RAP1GAP: variants seen among roughly 807,000 people sequenced by gnomAD.
RAP1GAP encodes the protein RAP1 GTPase activating protein, also known as rap1 GTPase-activating protein 1.
A neutral mutation model predicts 87.2 loss-of-function variants in RAP1GAP; 35 were observed. That is an observed-to-expected ratio of 0.40 (90% CI 0.31 to 0.53). The LOEUF (loss-of-function observed/expected upper bound fraction) is 0.53. RAP1GAP is among the 20% of genes least tolerant of loss of function. The probability of loss-of-function intolerance (pLI) is 0.48; values close to 1 mark genes in which losing one functional copy is unlikely to be tolerated. For synonymous variants in RAP1GAP, 375 were observed against 363.9 expected, an observed-to-expected ratio of 1.03 and a Z score of -0.35; for missense variants, 734 against 898.9, an observed-to-expected ratio of 0.82 and a Z score of 2.35.
chr1:21,664,981 G>A (rs76768405), intron 1 of RAP1GAP, among the ~76,000 whole-genome samples: 9,194 of 152,250 alleles, frequency 0.06, 429 homozygotes, highest in East Asian at 0.25. Flanking sequence ...GAGGCACAGA[G>A]AAGGCAGGTG....
chr1:21,644,627 C>T (rs1219617399), intron 2 of RAP1GAP, among the ~76,000 whole-genome samples: 3 of 152,086 alleles, frequency 2.0e-5, no homozygotes, highest in African/African-American at 4.8e-5. Flanking sequence ...TGGCCGGGCG[C>T]GGTGGCTCAC....
intron 22 of RAP1GAP, 47 bp downstream of exon 22, chr1:21,598,353 A>C: frequency 2.0e-6 from 3 of 1,523,020 alleles, no homozygotes; most frequent in Non-Finnish European, 2.7e-6. Flanking sequence ...TCCCCCTCCT[A>C]CCCCAAGGTA....
chr1:21,668,747 A>G lies in RAP1GAP; in HGVS notation c.-149+507T>C, dbSNP rs1288329334. Among the ~76,000 whole-genome samples, 6 of 151,892 alleles carry G rather than the reference A, an allele frequency of 4.0e-5. No individual in the cohort carries two copies. The highest frequency in any genetic ancestry group is 4.2e-4 in the South Asian group (2 of 4,814). On this transcript the variant is annotated intron_variant, in intron 1 of 24. Coordinates refer to ENST00000374765, the MANE Select transcript of RAP1GAP (RefSeq NM_002885.4). The surrounding 1 kb of genome is among the most constrained non-coding windows in gnomAD (Gnocchi z 6.2). ...AGGGGAATGCGTCCTGTCTCTGGGG[A>G]TGCAAGGACATCACCGCCCTCCCCG...
At chr1:21,612,233 A>C in intron 10 of RAP1GAP, 124 bp from the exon 11 acceptor site, 1 of 767,558 alleles carries the variant, frequency 1.3e-6, no homozygotes, top group South Asian at 1.6e-5. Context: ...TCTCAGAACA[A>C]GCCTGGGAGG....
At chr1:21,611,625 G>C in intron 12 of RAP1GAP, 44 bp from the exon 13 acceptor site, 1 of 1,613,754 alleles carries the variant, frequency 6.2e-7, no homozygotes, top group East Asian at 2.2e-5. Context: ...TCCAGCCCTG[G>C]CCAGGCCTCC....
At chr1:21,650,619 G>A (rs2096492057) in intron 1 of RAP1GAP, among the ~76,000 whole-genome samples, 1 of 152,228 alleles carries the variant, frequency 6.6e-6, no homozygotes, top group African/African-American at 2.4e-5. Context: ...GGGCAGGGCT[G>A]GGGGCTCCCA....
chr1:21,651,812 C>T (rs2096594858), intron 1 of RAP1GAP: 2 of 1,310,206 alleles, frequency 1.5e-6, no homozygotes, highest in Non-Finnish European at 9.7e-7. Flanking sequence ...GCTGCGCTTC[C>T]GGCCGCTCAT....
intron 1 of RAP1GAP, among the ~76,000 whole-genome samples, chr1:21,663,840 C>T (rs902469249): frequency 6.6e-6 from 1 of 152,184 alleles, no homozygotes; most frequent in African/African-American, 2.4e-5. Context: ...TCACCCACTG[C>T]CCCCAAACCC....
intron 14 of RAP1GAP, 90 bp downstream of exon 14, chr1:21,610,030 A>C (rs534519846): frequency 1.4e-6 from 2 of 1,458,816 alleles, no homozygotes; most frequent in East Asian, 4.8e-5. Context: ...TATAGCTGGA[A>C]AAAGTGAGGC....
intron 2 of RAP1GAP, among the ~76,000 whole-genome samples, chr1:21,627,515 G>A (rs1274701720): frequency 6.7e-6 from 1 of 150,128 alleles, no homozygotes; most frequent in Admixed American, 6.7e-5. Flanking sequence ...TCCCGAGTTC[G>A]AGCGATTCTC....
chr1:21,632,425 A>G (rs16825749), intron 2 of RAP1GAP, among the ~76,000 whole-genome samples: 30,563 of 152,100 alleles, frequency 0.2, 4,029 homozygotes, highest in African/African-American at 0.36. Flanking sequence ...CGGAACTGGA[A>G]TGGAGATAAG....
rs2076575094 is a variant in RAP1GAP at position 21,609,048 on chromosome 1, G to C, written c.1072-112C>G. The stretch of plus-strand genomic sequence containing the variant: ...GCAGCTCCTGAACCATGCTCTGCTG[G>C]GGCCTGGGGTCACCCTCTTCACTCC... On this transcript the variant is annotated intron_variant, in intron 15 of 24. Coordinates refer to ENST00000374765, the MANE Select transcript of RAP1GAP (RefSeq NM_002885.4). This position sits in a 1 kb window ranked among gnomAD's most constrained non-coding sequence, Gnocchi z 4.4. The C allele has an allele frequency of 2.2e-6, 2 of 905,182 alleles. No homozygotes were observed. Among genetic ancestry groups the C allele is most frequent in the Admixed American group, 3.6e-5 (2 of 55,012 alleles). The allele number at this position is 905,182 out of a possible 1,614,324, so 56.1% of individuals were successfully genotyped here. A position where few individuals can be genotyped will look rare whatever the true frequency, so the allele number is the denominator to read the frequency against.
Position 21,617,966 on chromosome 1 carries a change from C to T in RAP1GAP, c.73G>A (p.Glu25Lys). Residue 25 changes from glutamate (E) to lysine (K), a missense_variant, in exon 6 of 25, where the codon GAG becomes AAG. This residue lies in a region of RAP1GAP where 485 missense variants were observed against 646.2 expected (regional missense o/e 0.75). Transcript: ENST00000374765. The part of the protein sequence containing the change: ...CSFPPPLKTE[E>K]DYIPYPSVHE... ...ACGCTCGGGTATGGAATGTAGTCCT[C>T]CTCTGTCTGCAAAACACAAACAGGG... The T allele has an allele frequency of 1.2e-6, 2 of 1,614,110 alleles. No individual in the cohort carries two copies. The highest frequency in any genetic ancestry group is 8.5e-7 in the Non-Finnish European group (1 of 1,180,016).
intron 2 of RAP1GAP, among the ~76,000 whole-genome samples, chr1:21,645,352 C>T (rs897484847): frequency 3.3e-5 from 5 of 152,032 alleles, no homozygotes; most frequent in African/African-American, 1.2e-4. Context: ...TGGTGGCTCA[C>T]GCTTGTAATC....
intron 2 of RAP1GAP, among the ~76,000 whole-genome samples, chr1:21,632,273 C>T (rs1006359617): frequency 1.2e-4 from 18 of 152,198 alleles, no homozygotes; most frequent in Admixed American, 2.0e-4. Flanking sequence ...GACAGCTCCC[C>T]GGTTTCTTGG....
At position 21,614,102 on chromosome 1, in the gene RAP1GAP, G is replaced by A; in HGVS notation, c.292-13C>T. 1.3e-6 allele frequency: 2 copies of A among 1,556,972 alleles called. No homozygotes were observed. Among genetic ancestry groups the A allele is most frequent in the South Asian group, 1.1e-5 (1 of 87,966 alleles). The stretch of plus-strand genomic sequence containing the variant: ...AATTGAAATGCTCCTGCAGTGGGAG[G>A]TGGGGGCCAGGGGAGTGGGTGAGGC... On this transcript the variant is annotated splice_polypyrimidine_tract_variant and intron_variant, in intron 7 of 24. Transcript: ENST00000374765.
At chr1:21,638,158 AAAAAG>A (rs2095100254) in intron 2 of RAP1GAP, among the ~76,000 whole-genome samples, 1 of 148,632 alleles carries the variant, frequency 6.7e-6, no homozygotes, top group Non-Finnish European at 1.5e-5. Flanking sequence ...TAAAAAAAAA[AAAAAG>A]AAAAGAAAAA....
rs915585913 is a variant in RAP1GAP, at chr1:21,620,179, C to G, written c.-18-129G>C. 12 of 874,082 alleles carry G rather than the reference C, an allele frequency of 1.4e-5. No individual in the cohort carries two copies. In the Admixed American group the frequency reaches 2.0e-4, roughly 14 times the overall value. The allele number at this position is 874,082 out of a possible 1,614,324, so 54.1% of individuals were successfully genotyped here. ...CCGAGGCACCTGTCTGAGTAGCAAGCGGGAGTGACGGGAGCATCGTGGGAG... is the reference window on the plus strand; with the variant it reads ...CCGAGGCACCTGTCTGAGTAGCAAGGGGGAGTGACGGGAGCATCGTGGGAG... On this transcript the variant is annotated intron_variant, in intron 3 of 24. Transcript: ENST00000374765.
rs1372932435 is a variant in RAP1GAP, at chr1:21,612,078, T to A, written c.560A>T (p.His187Leu). Residue 187 changes from histidine (H) to leucine (L), a missense_variant, in exon 11 of 25, where the codon CAT becomes CTT. His to Leu is a moderately conservative substitution (Grantham distance 99, BLOSUM62 -3). This residue lies in a region of RAP1GAP where 485 missense variants were observed against 646.2 expected (regional missense o/e 0.75). Transcript: ENST00000374765. ...ASRLIVTFDE[H>L]VISNNFKFGV... is the part of the protein sequence containing the mutation. ...AAACTTGAAGTTATTGCTGATGACA[T>A]GCTCGTCAAAGGTGACGATGAGCCG... 6.4e-7 allele frequency: 1 copy of A among 1,553,694 alleles called. No individual in the cohort carries two copies. Among genetic ancestry groups the A allele is most frequent in the African/African-American group, 1.4e-5 (1 of 73,206 alleles).
Sources: allele counts gnomAD v4.1 joint callset (sites outside exome capture counted in the v4.1 genomes callset), GRCh38; gene constraint gnomAD v4.1.1; regional missense constraint gnomAD v4.1.1; non-coding constraint Gnocchi (gnomAD v3.1); transcripts MANE v1.5; gene names NCBI Gene and HGNC (gene_info 2026-07-23, HGNC 2026-07-21).